Variants in XPO7 observed in about 807,000 individuals in gnomAD.
The protein encoded by XPO7 is exportin 7.
A neutral mutation model predicts 144.3 loss-of-function variants in XPO7; 21 were observed. The observed-to-expected ratio is 0.15, with a 90% CI of 0.10 to 0.21. The LOEUF is 0.21. Among genes scored for constraint, XPO7 ranks in the 10% least tolerant of loss-of-function variants. The pLI is 1.00. For synonymous variants in XPO7, 580 were observed against 499.6 expected, an observed-to-expected ratio of 1.16 and a Z score of -2.15; for missense variants, 808 against 1,325.8, an observed-to-expected ratio of 0.61 and a Z score of 6.06.
In XPO7 at chr8:21,981,370, A is replaced by G. The variant is rs868479998; in HGVS notation, c.958-361A>G. On this transcript the variant is annotated intron_variant, in intron 9 of 27. Coordinates refer to ENST00000252512, the MANE Select transcript of XPO7 (RefSeq NM_015024.5). ...ATTAGATTTCCTTTGATTGGTAACA[A>G]TAAGAAAACAAGTCAGTCACGTCTT... Among the ~76,000 whole-genome samples, 3 of 152,226 alleles carry G rather than the reference A, an allele frequency of 2.0e-5. 1 individual carries two copies. In the South Asian group the frequency reaches 6.2e-4, roughly 32 times the overall value.
intron 1 of XPO7, among the ~76,000 whole-genome samples, chr8:21,926,965 G>C (rs1810477776): frequency 6.6e-6 from 1 of 152,182 alleles, no homozygotes; most frequent in African/African-American, 2.4e-5. Flanking sequence ...TGGAAAATGT[G>C]ACCTTGTTTT....
intron 1 of XPO7, among the ~76,000 whole-genome samples, chr8:21,925,883 C>T (rs908651890): frequency 3.3e-4 from 50 of 152,324 alleles, no homozygotes; most frequent in African/African-American, 1.2e-3. Context: ...AATATATCTT[C>T]CTCTTCTTTA....
intron 1 of XPO7, among the ~76,000 whole-genome samples, chr8:21,947,395 A>G (rs1811226862): frequency 6.6e-6 from 1 of 152,218 alleles, no homozygotes; most frequent in African/African-American, 2.4e-5. Flanking sequence ...CAAATACAAC[A>G]TAAAGGAAGA....
chr8:21,942,935 A>G (rs1811041459), intron 1 of XPO7, among the ~76,000 whole-genome samples: 1 of 152,232 alleles, frequency 6.6e-6, no homozygotes, highest in African/African-American at 2.4e-5. Context: ...AGTGAAGAAT[A>G]TAATGGCTCC....
intron 6 of XPO7, among the ~76,000 whole-genome samples, 161 bp downstream of exon 6, chr8:21,974,935 G>A (rs1340742372): frequency 6.6e-6 from 1 of 152,198 alleles, no homozygotes; most frequent in Non-Finnish European, 1.5e-5. Context: ...GAAGAAACTG[G>A]TCAGAGTGAC....
intron 1 of XPO7, among the ~76,000 whole-genome samples, chr8:21,949,675 C>T (rs973030574): frequency 3.0e-4 from 45 of 152,222 alleles, no homozygotes; most frequent in African/African-American, 1.1e-3. Context: ...CAGCCACTGC[C>T]CTCTGCCAGG....
chr8:21,951,895 C>G lies in XPO7; in HGVS notation c.19-14962C>G, dbSNP rs1811385199. ...CTAATGCTGTCTCTACAGTGTGAAT[C>G]CCTAGAAGTGATGAAGAGACACAGC... On this transcript the variant is annotated intron_variant, in intron 1 of 27. Coordinates refer to ENST00000252512, the MANE Select transcript of XPO7 (RefSeq NM_015024.5). 2.0e-5 allele frequency among the ~76,000 whole-genome samples: 3 copies of G among 152,124 alleles called. No individual in the cohort carries two copies. The South Asian group carries it at 6.2e-4, about 31-fold the overall frequency.
intron 7 of XPO7, 95 bp downstream of exon 7, chr8:21,976,616 T>G (rs1029860289): frequency 2.9e-6 from 4 of 1,375,940 alleles, no homozygotes; most frequent in Non-Finnish European, 2.9e-6. Context: ...TCCTGTGTAT[T>G]CTGAGGGAGA....
At chr8:21,950,760 A>G (rs940072999) in intron 1 of XPO7, among the ~76,000 whole-genome samples, 13 of 152,104 alleles carry the variant, frequency 8.5e-5, no homozygotes, top group African/African-American at 1.7e-4. Context: ...TAAAATTTAT[A>G]TTTACCTTTT....
At chr8:21,960,923 A>G (rs1415673428) in intron 1 of XPO7, among the ~76,000 whole-genome samples, 1 of 152,246 alleles carries the variant, frequency 6.6e-6, no homozygotes, top group Non-Finnish European at 1.5e-5. Context: ...ATTTGGGCAG[A>G]ACTATGGCAT....
At chr8:21,920,178 C>A (rs945834571) in intron 1 of XPO7, among the ~76,000 whole-genome samples, 34 of 145,438 alleles carry the variant, frequency 2.3e-4, no homozygotes, top group African/African-American at 8.5e-4. Context: ...GAGGGGGACG[C>A]CCCCATGACG....
chr8:21,985,154 C>T (rs950167729), intron 12 of XPO7, among the ~76,000 whole-genome samples: 2 of 152,300 alleles, frequency 1.3e-5, no homozygotes, highest in East Asian at 1.9e-4. Flanking sequence ...CAGGCATGTG[C>T]CACCACACCT....
intron 1 of XPO7, among the ~76,000 whole-genome samples, chr8:21,946,185 G>C (rs1020261966): frequency 1.3e-5 from 2 of 152,134 alleles, no homozygotes; most frequent in Non-Finnish European, 2.9e-5. Flanking sequence ...AGCAGGTTTA[G>C]GTTACCCCAT....
intron 1 of XPO7, among the ~76,000 whole-genome samples, chr8:21,930,663 G>T (rs941492738): frequency 6.6e-6 from 1 of 152,190 alleles, no homozygotes; most frequent in Non-Finnish European, 1.5e-5. Context: ...AAGAGACCAG[G>T]ACATGAAGTG....
rs571429145 is a variant in XPO7, at chr8:21,982,858, T to C, written c.1277+46T>C. The C allele has an allele frequency of 1.0e-4, 161 of 1,546,418 alleles. 1 individual carries two copies. In the South Asian group the frequency reaches 1.9e-3, roughly 19 times the overall value. On this transcript the variant is annotated intron_variant, in intron 11 of 27. Coordinates refer to ENST00000252512, the MANE Select transcript of XPO7 (RefSeq NM_015024.5). ...TCATTCCCGCACCAGTGGCCTGTTG[T>C]CACACTTCCTAGAGATCAGACACCC...
At chr8:21,945,311 TA>T (rs1340910092) in intron 1 of XPO7, among the ~76,000 whole-genome samples, 5 of 152,148 alleles carry the variant, frequency 3.3e-5, no homozygotes, top group Admixed American at 3.3e-4. Context: ...GAAACTCATA[TA>T]AAAAACTGCT....
intron 11 of XPO7, 30 bp downstream of exon 11, chr8:21,982,842 C>T (rs369343216): frequency 3.8e-6 from 6 of 1,565,104 alleles, no homozygotes; most frequent in Non-Finnish European, 5.2e-6. Flanking sequence ...TTCATTCCCG[C>T]ACCAGTGGCC....
At chr8:21,946,023 A>G (rs571790730) in intron 1 of XPO7, among the ~76,000 whole-genome samples, 55 of 152,302 alleles carry the variant, frequency 3.6e-4, no homozygotes, top group African/African-American at 1.3e-3. Flanking sequence ...TTAGCTCCCC[A>G]TAGCCACTAG....
intron 1 of XPO7, among the ~76,000 whole-genome samples, chr8:21,945,152 A>C (rs1811142142): frequency 6.6e-6 from 1 of 152,110 alleles, no homozygotes; most frequent in Admixed American, 6.5e-5. Flanking sequence ...GCGGCCGGGC[A>C]GAGGGGCTCT....
Sources: gnomAD v4.1 joint callset for allele counts (sites outside exome capture counted in the v4.1 genomes callset) on GRCh38, gnomAD v4.1.1 for gene constraint, MANE v1.5 for transcripts, NCBI Gene and HGNC (gene_info 2026-07-23, HGNC 2026-07-21) for gene names.